CBFA2T2: variants seen among roughly 807,000 people sequenced by gnomAD.
CBFA2T2 encodes protein CBFA2T2.
Under a neutral mutation model 62.2 loss-of-function variants are expected in CBFA2T2, and 11 were observed. The ratio of observed to expected loss-of-function variants is 0.18; its 90% CI spans 0.11 to 0.29. The LOEUF (loss-of-function observed/expected upper bound fraction) is 0.29, where lower values mean the gene tolerates loss of function less well. CBFA2T2 is among the 10% of genes least tolerant of loss of function. The pLI is 1.00. For missense variants in CBFA2T2, 592 were observed against 774.1 expected, an observed-to-expected ratio of 0.76 and a Z score of 2.79; for synonymous variants, 295 against 287.5, an observed-to-expected ratio of 1.03 and a Z score of -0.27.
At chr20:33,586,653 T>C (rs757622127) in intron 1 of CBFA2T2, among the ~76,000 whole-genome samples, 11 of 152,180 alleles carry the variant, frequency 7.2e-5, no homozygotes, top group Non-Finnish European at 1.3e-4. Flanking sequence ...AGAGATTCTA[T>C]ATAATCAAAA....
intron 1 of CBFA2T2, among the ~76,000 whole-genome samples, chr20:33,537,685 A>G (rs2146875558): frequency 6.6e-6 from 1 of 152,290 alleles, no homozygotes; most frequent in African/African-American, 2.4e-5. Flanking sequence ...ATGAGATATT[A>G]AGGATCCAAG....
At chr20:33,608,049 T>G (rs2015400892) in intron 2 of CBFA2T2, among the ~76,000 whole-genome samples, 1 of 152,272 alleles carries the variant, frequency 6.6e-6, no homozygotes, top group African/African-American at 2.4e-5. Flanking sequence ...GGTTGGAGTG[T>G]AATTTAGTAC....
intron 1 of CBFA2T2, among the ~76,000 whole-genome samples, chr20:33,524,992 G>A (rs893510438): frequency 6.6e-6 from 1 of 151,856 alleles, no homozygotes; most frequent in African/African-American, 2.4e-5. Context: ...GTGGCACCAC[G>A]CCTGGCTAAT....
intron 1 of CBFA2T2, among the ~76,000 whole-genome samples, chr20:33,515,820 A>AAAAAAT (rs1362939809): frequency 6.7e-6 from 1 of 149,120 alleles, no homozygotes; most frequent in Non-Finnish European, 1.5e-5. Flanking sequence ...AAAAAAAAAA[A>AAAAAAT]ACGGGGCGGG....
chr20:33,497,547 C>CTTTT (rs756491939), intron 1 of CBFA2T2, among the ~76,000 whole-genome samples: 10 of 114,642 alleles, frequency 8.7e-5, no homozygotes, highest in East Asian at 2.5e-4. Flanking sequence ...AGCTTGTATA[C>CTTTT]TTTTTTTTTT....
chr20:33,544,088 A>C (rs1488487093), intron 1 of CBFA2T2, among the ~76,000 whole-genome samples: 1 of 152,040 alleles, frequency 6.6e-6, no homozygotes, highest in East Asian at 1.9e-4. Flanking sequence ...AGAGTGGTTC[A>C]ATTTAGTCAG....
rs928976478 is a variant in CBFA2T2, at chr20:33,596,934, T to C, written c.35-10022T>C. On this transcript the variant is annotated intron_variant, in intron 1 of 10. Coordinates refer to ENST00000342704, the MANE Select transcript of CBFA2T2 (RefSeq NM_001032999.3). The stretch of plus-strand genomic sequence containing the variant: ...CTTGACCTCTGTTTTTTTTTTTTTT[T>C]TTTCTTTCTTTTTTTCAGTCTCATC... 9.0e-3 allele frequency among the ~76,000 whole-genome samples: 1,361 copies of C among 151,264 alleles called. 15 individuals are homozygous for C. The highest frequency in any genetic ancestry group is 0.031 in the African/African-American group (1,266 of 41,116).
intron 1 of CBFA2T2, among the ~76,000 whole-genome samples, chr20:33,554,600 C>CTTTTTTTTTTTTTTTTTTT (rs752877501): frequency 5.3e-5 from 3 of 56,288 alleles, no homozygotes; most frequent in East Asian, 4.7e-4. Context: ...TTTTTCTTTT[C>CTTTTTTTTTTTTTTTTTTT]TTTTTTTTTT....
intron 1 of CBFA2T2, among the ~76,000 whole-genome samples, chr20:33,566,896 C>G (rs1201763433): frequency 6.6e-6 from 1 of 152,178 alleles, no homozygotes; most frequent in Non-Finnish European, 1.5e-5. Flanking sequence ...TTGTTTACTT[C>G]TGAGATACTT....
chr20:33,567,928 ATAG>A (rs2013406810), intron 1 of CBFA2T2, among the ~76,000 whole-genome samples: 1 of 152,172 alleles, frequency 6.6e-6, no homozygotes, highest in Non-Finnish European at 1.5e-5. Flanking sequence ...AGGAGAAAAC[ATAG>A]TATATATAGG....
At chr20:33,622,965 T>C (rs1315492178) in intron 4 of CBFA2T2, 150 bp from the exon 5 acceptor site, 4 of 673,158 alleles carry the variant, frequency 5.9e-6, no homozygotes, top group African/African-American at 3.6e-5. Context: ...ATAAGAGATA[T>C]CATTGACTCA....
At chr20:33,495,070 A>C (rs6059352) in intron 1 of CBFA2T2, among the ~76,000 whole-genome samples, 134,873 of 152,054 alleles carry the variant, frequency 0.89, 61,497 homozygotes, top group Non-Finnish European at 1. Context: ...CATTAGGTCT[A>C]TTGCTCTGAT....
intron 1 of CBFA2T2, among the ~76,000 whole-genome samples, chr20:33,596,330 T>C (rs2014884185): frequency 6.6e-6 from 1 of 152,258 alleles, no homozygotes; most frequent in South Asian, 2.1e-4. Flanking sequence ...ACCTTCATTG[T>C]ACCTGTATTC....
chr20:33,571,957 C>G (rs947289929), intron 1 of CBFA2T2, among the ~76,000 whole-genome samples: 2 of 152,158 alleles, frequency 1.3e-5, no homozygotes, highest in Non-Finnish European at 2.9e-5. Context: ...GTGGCACAAT[C>G]CCGGCTCACC....
chr20:33,504,061 G>A (rs1457434948), intron 1 of CBFA2T2, among the ~76,000 whole-genome samples: 3 of 152,040 alleles, frequency 2.0e-5, no homozygotes, highest in Non-Finnish European at 4.4e-5. Flanking sequence ...ACAGTTTTAT[G>A]GGGGTTTTTG....
chr20:33,634,514 A>T (rs2016559768), intron 8 of CBFA2T2, among the ~76,000 whole-genome samples: 1 of 151,932 alleles, frequency 6.6e-6, no homozygotes, highest in African/African-American at 2.4e-5. Context: ...TCTACAAAAA[A>T]TATGAAAATT....
At chr20:33,512,643 G>T (rs889959711) in intron 1 of CBFA2T2, among the ~76,000 whole-genome samples, 4 of 151,902 alleles carry the variant, frequency 2.6e-5, no homozygotes, top group Non-Finnish European at 4.4e-5. Context: ...TACCACAGTC[G>T]GTCCATTCTG....
At chr20:33,632,599 G>T (rs2016492330) in intron 8 of CBFA2T2, among the ~76,000 whole-genome samples, 1 of 150,736 alleles carries the variant, frequency 6.6e-6, no homozygotes, top group South Asian at 2.1e-4. Context: ...TTCCTGAGTA[G>T]CTGGGATTAC....
intron 8 of CBFA2T2, among the ~76,000 whole-genome samples, chr20:33,631,406 G>A (rs1568866489): frequency 6.6e-6 from 1 of 152,156 alleles, no homozygotes; most frequent in Admixed American, 6.5e-5. Context: ...TGCGACTTTC[G>A]GACAGGGAGA....
Sources: gnomAD v4.1 joint callset for allele counts (sites outside exome capture counted in the v4.1 genomes callset) on GRCh38, gnomAD v4.1.1 for gene constraint, MANE v1.5 for transcripts, NCBI Gene and HGNC (gene_info 2026-07-23, HGNC 2026-07-21) for gene names.